The following PCDH9 variants were observed in gnomAD, a reference collection of about 807,000 sequenced individuals.
PCDH9 encodes protocadherin 9, also known as protocadherin-9.
Under a neutral mutation model 70.6 loss-of-function variants are expected in PCDH9, and 24 were observed. The observed-to-expected ratio is 0.34, with a 90% CI of 0.25 to 0.48. PCDH9 has a LOEUF of 0.48. Among genes scored for constraint, PCDH9 ranks in the 20% least tolerant of loss-of-function variants. The pLI is 0.99. For missense variants in PCDH9, 1,281 were observed against 1,503.6 expected, an observed-to-expected ratio of 0.85 and a Z score of 2.45; for synonymous variants, 562 against 558.5, an observed-to-expected ratio of 1.01 and a Z score of -0.09.
intron 4 of PCDH9, among the ~76,000 whole-genome samples, chr13:66,400,459 C>T (rs2588839): frequency 1 from 151,871 of 152,338 alleles, 75,705 homozygotes; most frequent in South Asian, 1. Flanking sequence ...TCATCAGTTA[C>T]CCATAGTTAG....
rs187047349 is a variant in PCDH9 at position 66,347,492 on chromosome 13, A to T, written c.3341-42464T>A. ...GAAAAAAAACAAAAACAAACAAAAA[A>T]CATTATTTTTTTGCACCACTTCCCA... is the stretch of plus-strand genomic sequence containing the variant. On this transcript the variant is annotated intron_variant, in intron 4 of 4. Transcript: ENST00000377865. Among the ~76,000 whole-genome samples, 9 of 152,296 alleles carry T rather than the reference A, an allele frequency of 5.9e-5. No individual in the cohort carries two copies. In the East Asian group the frequency reaches 1.7e-3, roughly 29 times the overall value.
At chr13:66,901,710 G>A (rs1317720164) in intron 3 of PCDH9, among the ~76,000 whole-genome samples, 1 of 151,218 alleles carries the variant, frequency 6.6e-6, no homozygotes, top group Admixed American at 6.6e-5. Context: ...CCTGTGCTTC[G>A]GACCTTATAA....
Position 66,603,682 on chromosome 13 carries a change from G to A in PCDH9, c.3340+27528C>T, listed in dbSNP as rs563698369. On this transcript the variant is annotated intron_variant, in intron 4 of 4. Coordinates refer to ENST00000377865, the MANE Select transcript of PCDH9 (RefSeq NM_203487.3). ...GGAGATATGACACTTATTCAAAAGC[G>A]TAAGAATTTTTTTTAAAGTATGGCA... Among the ~76,000 whole-genome samples the A allele has an allele frequency of 2.0e-4, 30 of 152,040 alleles. No homozygotes were observed. In the South Asian group the frequency reaches 5.4e-3, roughly 27 times the overall value.
chr13:66,456,106 C>T (rs1958312162), intron 4 of PCDH9, among the ~76,000 whole-genome samples: 1 of 152,080 alleles, frequency 6.6e-6, no homozygotes, highest in Admixed American at 6.6e-5. Flanking sequence ...TCTGAATCAT[C>T]TGAAAATACT....
chr13:67,119,935 T>G (rs540033525), intron 2 of PCDH9, among the ~76,000 whole-genome samples: 1 of 152,098 alleles, frequency 6.6e-6, no homozygotes, highest in South Asian at 2.1e-4. Flanking sequence ...TTACCAAATC[T>G]TCCACAATCG....
chr13:66,440,296 C>G (rs1301901211), intron 4 of PCDH9, among the ~76,000 whole-genome samples: 1 of 151,998 alleles, frequency 6.6e-6, no homozygotes, highest in Non-Finnish European at 1.5e-5. Context: ...CCATGCAGGC[C>G]AATTTTGAAG....
intron 3 of PCDH9, among the ~76,000 whole-genome samples, chr13:66,785,009 A>G (rs2080057966): frequency 1.3e-5 from 2 of 152,090 alleles, no homozygotes; most frequent in African/African-American, 4.8e-5. Flanking sequence ...TAGTTCTACT[A>G]TTATTAAAAG....
At chr13:67,042,735 T>C (rs1482994173) in intron 2 of PCDH9, among the ~76,000 whole-genome samples, 1 of 152,088 alleles carries the variant, frequency 6.6e-6, no homozygotes, top group Middle Eastern at 3.2e-3. Context: ...CAATGACAAA[T>C]GGTGCTTAGC....
chr13:66,623,256 T>G (rs1465813901), intron 4 of PCDH9, among the ~76,000 whole-genome samples: 1 of 152,230 alleles, frequency 6.6e-6, no homozygotes, highest in Non-Finnish European at 1.5e-5. Flanking sequence ...TCAAGCTTCT[T>G]AAAGATAAGA....
At chr13:66,416,014 T>A (rs17081269) in intron 4 of PCDH9, among the ~76,000 whole-genome samples, 7,198 of 152,278 alleles carry the variant, frequency 0.047, 349 homozygotes, top group African/African-American at 0.12. Context: ...CTTAGACTAC[T>A]GCAAAACATT....
intron 2 of PCDH9, among the ~76,000 whole-genome samples, chr13:66,984,587 C>CA (rs897135221): frequency 6.6e-6 from 1 of 151,966 alleles, no homozygotes; most frequent in African/African-American, 2.4e-5. Context: ...CTGATGAATG[C>CA]AAAAAATTTT....
At chr13:66,787,631 A>T (rs1205315545) in intron 3 of PCDH9, among the ~76,000 whole-genome samples, 1 of 152,072 alleles carries the variant, frequency 6.6e-6, no homozygotes, top group Non-Finnish European at 1.5e-5. Flanking sequence ...AAAAGAAAAA[A>T]AGAAAAAGAT....
At chr13:66,521,174 C>CT (rs924689985) in intron 4 of PCDH9, among the ~76,000 whole-genome samples, 63 of 151,934 alleles carry the variant, frequency 4.1e-4, no homozygotes, top group Non-Finnish European at 5.9e-4. Flanking sequence ...GCATTTAAAT[C>CT]TTTTTTTTCC....
chr13:67,052,203 G>C (rs1353716250), intron 2 of PCDH9, among the ~76,000 whole-genome samples: 2 of 152,096 alleles, frequency 1.3e-5, no homozygotes, highest in African/African-American at 2.4e-5. Context: ...AAGCAAGCAG[G>C]GAGTACAGTA....
At chr13:66,640,530 GAC>G (rs10579281) in intron 3 of PCDH9, among the ~76,000 whole-genome samples, 76,962 of 149,140 alleles carry the variant, frequency 0.52, 19,796 homozygotes, top group East Asian at 0.62. Flanking sequence ...CCCATGCAAA[GAC>G]ACACACACAC....
At chr13:66,811,784 C>T (rs2080512601) in intron 3 of PCDH9, among the ~76,000 whole-genome samples, 1 of 148,592 alleles carries the variant, frequency 6.7e-6, no homozygotes, top group Admixed American at 6.8e-5. Context: ...TCTCTCTTTT[C>T]CTTCTCTTTC....
chr13:66,365,778 C>T lies in PCDH9; in HGVS notation c.3341-60750G>A, dbSNP rs562437315. Among the ~76,000 whole-genome samples the T allele has an allele frequency of 2.6e-5, 4 of 152,206 alleles. No individual in the cohort carries two copies. The South Asian group carries it at 8.3e-4, about 32-fold the overall frequency. ...GTCTTTAAACCCCTAGTGTCTAATACATTGCTTGATACGTAGTAAGGTCCA... is the reference window on the plus strand; with the variant it reads ...GTCTTTAAACCCCTAGTGTCTAATATATTGCTTGATACGTAGTAAGGTCCA... On this transcript the variant is annotated intron_variant, in intron 4 of 4. Coordinates refer to ENST00000377865, the MANE Select transcript of PCDH9 (RefSeq NM_203487.3).
Position 67,226,605 on chromosome 13 carries a change from T to G in PCDH9, c.1836A>C (p.Leu612=), listed in dbSNP as rs747253560. 1.2e-6 allele frequency: 2 copies of G among 1,614,108 alleles called. No homozygotes were observed. Among genetic ancestry groups the G allele is most frequent in the Non-Finnish European group, 1.7e-6 (2 of 1,179,954 alleles). ...CCAACACAAAATTATCATTGTCATT[T>G]AGAATGGAAAGAGTCACAGCTTTAT... The part of the protein sequence containing the change: ...GENKAVTLSI[L]NDNDNFVLDP... The change falls in exon 2 of 5, where the codon CTA becomes CTC. Residue 612 remains leucine, a synonymous_variant. Transcript: ENST00000377865. This position sits in a 1 kb window ranked among gnomAD's most constrained non-coding sequence, Gnocchi z 5.0.
At chr13:66,793,363 T>C (rs1172863398) in intron 3 of PCDH9, among the ~76,000 whole-genome samples, 1 of 152,144 alleles carries the variant, frequency 6.6e-6, no homozygotes, top group African/African-American at 2.4e-5. Context: ...ACATACAGTC[T>C]AGAATAAAAC....
Sources: gnomAD v4.1 joint callset for allele counts (sites outside exome capture counted in the v4.1 genomes callset) on GRCh38, gnomAD v4.1.1 for gene constraint, Gnocchi (gnomAD v3.1) non-coding constraint, MANE v1.5 for transcripts, NCBI Gene and HGNC (gene_info 2026-07-23, HGNC 2026-07-21) for gene names.